The following ZFP2 variants were observed in gnomAD, a reference collection of about 807,000 sequenced individuals.
ZFP2 encodes zinc finger protein ZFP2.
ZFP2 carries 33 observed loss-of-function variants against 36.1 expected under a neutral mutation model. The observed-to-expected ratio is 0.92, with a 90% CI of 0.69 to 1.22. The LOEUF (loss-of-function observed/expected upper bound fraction) is 1.22. Ranked by LOEUF, ZFP2 falls within the 50% of genes most tolerant of loss-of-function variation. The pLI is 0.00. For missense variants in ZFP2, 522 were observed against 551.4 expected (o/e 0.95, Z 0.53); for synonymous variants, 170 against 178.0 (o/e 0.96, Z 0.36).
chr5:178,922,192 G>A, intron 4 of ZFP2: 3 of 1,108,796 alleles, frequency 2.7e-6, no homozygotes, highest in Non-Finnish European at 4.2e-6. Flanking sequence ...ACTTGACATG[G>A]TTGTGCGTCT....
At chr5:178,900,995 T>C (rs1758048383) in intron 1 of ZFP2, among the ~76,000 whole-genome samples, 1 of 152,256 alleles carries the variant, frequency 6.6e-6, no homozygotes, top group Non-Finnish European at 1.5e-5. Context: ...TACATGATAT[T>C]GTGTGTAGTA....
chr5:178,912,596 G>C lies in ZFP2; in HGVS notation c.-437G>C. On this transcript the variant is annotated 5_prime_UTR_variant, in exon 2 of 5. Coordinates refer to ENST00000361362, the MANE Select transcript of ZFP2 (RefSeq NM_030613.4). ...GAGGAATTTTTAGTTTCAGGAGTCA[G>C]TGACCTTCAAGGATGTGTCCATAGA... 1.0e-6 allele frequency: 1 copy of C among 1,000,380 alleles called. No homozygotes were observed. The highest frequency in any genetic ancestry group is 1.2e-6 in the Non-Finnish European group (1 of 828,050). The allele number at this position is 1,000,380 out of a possible 1,614,324, so 62.0% of individuals were successfully genotyped here.
intron 3 of ZFP2, among the ~76,000 whole-genome samples, chr5:178,915,318 CTTTCTTTTTTTTTTT>C (rs1758397131): frequency 8.9e-6 from 1 of 112,554 alleles, no homozygotes; most frequent in African/African-American, 3.2e-5. Context: ...AAAGGTTTTT[CTTTCTTTTTTTTTTT>C]TTTTTTTTTT....
intron 1 of ZFP2, among the ~76,000 whole-genome samples, chr5:178,911,570 T>TA (rs1581833489): frequency 1.3e-5 from 2 of 152,294 alleles, no homozygotes; most frequent in East Asian, 3.9e-4. Context: ...AAATAACTGT[T>TA]ACGTTATTAG....
rs1758710787 is a variant in ZFP2, at chr5:178,927,666, TGTGTGTGTGTG to T, written c.-77-3570_-77-3560del. Among the ~76,000 whole-genome samples, 759 of 106,116 alleles carry T rather than the reference TGTGTGTGTGTG, an allele frequency of 7.2e-3. 4 individuals are homozygous for T. The highest frequency in any genetic ancestry group is 0.014 in the African/African-American group (260 of 18,176). 69.6% of individuals were successfully genotyped at this position (106,116 alleles called of 152,430 possible). ...TGCACACCATCATACCTGGCCAATG[TGTGTGTGTGTG>T]TGTGTGTGTGTGTGTGTGTGTGTGT... On this transcript the variant is annotated intron_variant, in intron 4 of 4. Transcript: ENST00000361362.
At chr5:178,909,979 G>C in intron 1 of ZFP2, 1 of 1,404,706 alleles carries the variant, frequency 7.1e-7, no homozygotes, top group Non-Finnish European at 1.0e-6. Context: ...GAATTGTTCT[G>C]GGTAGAGACT....
intron 4 of ZFP2, among the ~76,000 whole-genome samples, chr5:178,924,145 G>A (rs142543918): frequency 0.016 from 2,340 of 148,776 alleles, 112 homozygotes; most frequent in African/African-American, 0.054. Context: ...AGGCCGAGGC[G>A]GGCGGATCAC....
At chr5:178,918,032 T>G (rs1758477891) in intron 4 of ZFP2, among the ~76,000 whole-genome samples, 1 of 152,210 alleles carries the variant, frequency 6.6e-6, no homozygotes, top group African/African-American at 2.4e-5. Flanking sequence ...ATGACCCACT[T>G]TAAAATTGCA....
chr5:178,917,614 CA>C (rs574860630), intron 4 of ZFP2, among the ~76,000 whole-genome samples: 224 of 139,960 alleles, frequency 1.6e-3, no homozygotes, highest in Middle Eastern at 3.8e-3. Flanking sequence ...GACTCCATCT[CA>C]AAAAAAAAAA....
At chr5:178,914,843 A>G (rs937851407) in intron 3 of ZFP2, among the ~76,000 whole-genome samples, 14 of 152,204 alleles carry the variant, frequency 9.2e-5, no homozygotes, top group Admixed American at 3.9e-4. Context: ...GATGGGCCAC[A>G]TGGGAGAACA....
intron 1 of ZFP2, among the ~76,000 whole-genome samples, chr5:178,909,134 A>T (rs1758235148): frequency 8.3e-6 from 1 of 120,654 alleles, no homozygotes; most frequent in Non-Finnish European, 1.8e-5. Context: ...GATGGAATCC[A>T]GGGCTCAGGG....
chr5:178,922,203 G>C (rs778788746), intron 4 of ZFP2: 14 of 1,108,882 alleles, frequency 1.3e-5, no homozygotes, highest in Non-Finnish European at 1.8e-5. Flanking sequence ...TTGTGCGTCT[G>C]TTCTGGTTTT....
chr5:178,917,640 G>A (rs547067501), intron 4 of ZFP2, among the ~76,000 whole-genome samples: 2 of 152,086 alleles, frequency 1.3e-5, no homozygotes, highest in Non-Finnish European at 2.9e-5. Context: ...TTTCAGAGAT[G>A]TACTGGATAA....
chr5:178,922,748 T>G, intron 4 of ZFP2: 1 of 1,543,892 alleles, frequency 6.5e-7, no homozygotes, highest in Admixed American at 1.8e-5. Flanking sequence ...TATTTCTTTG[T>G]GCAGATTCTG....
At chr5:178,930,352 A>C (rs1581844713) in intron 4 of ZFP2, among the ~76,000 whole-genome samples, 1 of 92,788 alleles carries the variant, frequency 1.1e-5, no homozygotes, top group African/African-American at 4.1e-5. Context: ...ACAGAGTCTC[A>C]CTCTGTCACC....
intron 1 of ZFP2, among the ~76,000 whole-genome samples, chr5:178,905,741 CTTTT>C (rs1179450780): frequency 6.8e-6 from 1 of 146,580 alleles, no homozygotes; most frequent in Non-Finnish European, 1.5e-5. Flanking sequence ...TGTTCACTTT[CTTTT>C]TTTTTTTCTT....
chr5:178,932,667 A>AT lies in ZFP2; in HGVS notation c.1354_1355insT (p.Asn452IlefsTer30), dbSNP rs1466294663. ...CGGAAAAGCCTTCAGCCGGAGTACA[A>AT]ACCTTACACGACATCAAAGAACTCA... On this transcript the variant is annotated frameshift_variant, in exon 5 of 5. Transcript: ENST00000361362. LOFTEE classifies it high-confidence loss of function. 6.2e-7 allele frequency: 1 copy of AT among 1,610,178 alleles called. No individual in the cohort carries two copies. Among genetic ancestry groups the AT allele is most frequent in the Non-Finnish European group, 8.5e-7 (1 of 1,178,180 alleles).
At chr5:178,906,452 C>A (rs1758168482) in intron 1 of ZFP2, among the ~76,000 whole-genome samples, 1 of 151,952 alleles carries the variant, frequency 6.6e-6, no homozygotes, top group South Asian at 2.1e-4. Flanking sequence ...CCTGTGTCTG[C>A]CCTCCTCTTT....
intron 1 of ZFP2, among the ~76,000 whole-genome samples, chr5:178,907,848 C>A (rs1381349115): frequency 5.3e-5 from 8 of 152,192 alleles, no homozygotes; most frequent in Non-Finnish European, 1.0e-4. Flanking sequence ...ACTGAGGTAG[C>A]ACTGCTTTCT....
Sources: allele counts gnomAD v4.1 joint callset (sites outside exome capture counted in the v4.1 genomes callset), GRCh38; gene constraint gnomAD v4.1.1; transcripts MANE v1.5; gene names NCBI Gene and HGNC (gene_info 2026-07-23, HGNC 2026-07-21).